The following IPCEF1 variants were observed in gnomAD, a reference collection of about 807,000 sequenced individuals.
IPCEF1 encodes the protein interaction protein for cytohesin exchange factors 1, also known as interactor protein for cytohesin exchange factors 1.
Under a neutral mutation model 50.9 loss-of-function variants are expected in IPCEF1, and 31 were observed. That is an observed-to-expected ratio of 0.61 (90% CI 0.46 to 0.82). IPCEF1 has a LOEUF of 0.82. Among genes scored for constraint, IPCEF1 ranks in the 40% least tolerant of loss-of-function variants. The pLI, the probability that IPCEF1 is intolerant of heterozygous loss-of-function variation, is 0.00. For missense variants in IPCEF1, 458 were observed against 514.0 expected (o/e 0.89, Z 1.05); for synonymous variants, 181 against 192.0 (o/e 0.94, Z 0.47).
intron 6 of IPCEF1, among the ~76,000 whole-genome samples, chr6:154,221,793 GA>G (rs1344594781): frequency 1.3e-5 from 2 of 152,250 alleles, no homozygotes; most frequent in Non-Finnish European, 1.5e-5. Context: ...AGAATGGCAT[GA>G]ACCTGGGAGG....
At chr6:154,324,649 A>C (rs1054044982) in intron 1 of IPCEF1, among the ~76,000 whole-genome samples, 1 of 152,050 alleles carries the variant, frequency 6.6e-6, no homozygotes, top group African/African-American at 2.4e-5. Context: ...CTTTACTAAA[A>C]ATACAAAAAT....
chr6:154,290,334 A>G (rs1267272696), intron 1 of IPCEF1, among the ~76,000 whole-genome samples: 1 of 152,190 alleles, frequency 6.6e-6, no homozygotes, highest in Non-Finnish European at 1.5e-5. Context: ...GCCCACCCCA[A>G]GGGAAGAATC....
intron 2 of IPCEF1, among the ~76,000 whole-genome samples, chr6:154,267,550 T>C (rs1406911954): frequency 2.0e-5 from 3 of 152,240 alleles, no homozygotes; most frequent in Non-Finnish European, 4.4e-5. Flanking sequence ...GCCCAAGTTC[T>C]TGTCCTGCAT....
intron 3 of IPCEF1, among the ~76,000 whole-genome samples, chr6:154,264,909 G>A (rs1781715310): frequency 6.6e-6 from 1 of 152,100 alleles, no homozygotes; most frequent in Non-Finnish European, 1.5e-5. Flanking sequence ...AAAGTCCCTT[G>A]ACATCCATTT....
intron 1 of IPCEF1, among the ~76,000 whole-genome samples, chr6:154,355,102 C>G (rs2128703415): frequency 6.6e-6 from 1 of 152,260 alleles, no homozygotes; most frequent in South Asian, 2.1e-4. Flanking sequence ...ATTATCAGCT[C>G]ACACTGCAGA....
chr6:154,172,254 A>G (rs1799934109), intron 10 of IPCEF1, among the ~76,000 whole-genome samples: 1 of 152,216 alleles, frequency 6.6e-6, no homozygotes, highest in African/African-American at 2.4e-5. Context: ...TGCATTCCCA[A>G]CTGAAGTACC....
In IPCEF1 at chr6:154,192,318, C is replaced by CTGTGTGTGTGTGTG. The variant is rs56231733; in HGVS notation, c.910+7336_910+7349dup. Among the ~76,000 whole-genome samples the CTGTGTGTGTGTGTG allele has an allele frequency of 5.7e-3, 839 of 148,088 alleles. 10 individuals are homozygous for CTGTGTGTGTGTGTG. Among genetic ancestry groups the CTGTGTGTGTGTGTG allele is most frequent in the African/African-American group, 0.017 (675 of 40,050 alleles). On this transcript the variant is annotated intron_variant, in intron 10 of 11. Coordinates refer to ENST00000367220, the MANE Select transcript of IPCEF1 (RefSeq NM_001130700.2). ...GACCCAAATGGTGGCCACGTGGTTA[C>CTGTGTGTGTGTGTG]TGTGTGTGTGTGTGTGTGTGTGTGT...
chr6:154,240,835 C>T (rs1290144203), intron 5 of IPCEF1, among the ~76,000 whole-genome samples: 1 of 152,214 alleles, frequency 6.6e-6, no homozygotes, highest in African/African-American at 2.4e-5. Flanking sequence ...AACACAATCA[C>T]AATTGTACAG....
Position 154,354,996 on chromosome 6 carries a change from TCACACACACACACACACACA to T in IPCEF1, c.-62+1656_-62+1675del, listed in dbSNP as rs56281024. 6.0e-3 allele frequency among the ~76,000 whole-genome samples: 884 copies of T among 147,396 alleles called. 5 individuals are homozygous for T. Among genetic ancestry groups the T allele is most frequent in the South Asian group, 8.6e-3 (39 of 4,530 alleles). ...AAAGCTTATTTTTTAGGATTTTTCT[TCACACACACACACACACACA>T]CACACACACACACACACACACACAC... is the stretch of plus-strand genomic sequence containing the variant. On this transcript the variant is annotated intron_variant, in intron 1 of 11. Transcript: ENST00000367220.
intron 1 of IPCEF1, among the ~76,000 whole-genome samples, chr6:154,317,239 C>G (rs1229356471): frequency 1.3e-5 from 2 of 151,430 alleles, no homozygotes; most frequent in African/African-American, 4.9e-5. Flanking sequence ...AATAAAATGA[C>G]AAGTAGACCA....
chr6:154,320,102 C>T (rs2128686749), intron 1 of IPCEF1, among the ~76,000 whole-genome samples: 1 of 152,230 alleles, frequency 6.6e-6, no homozygotes, highest in African/African-American at 2.4e-5. Flanking sequence ...ATCTGCAAAA[C>T]TGTTTCCTCA....
intron 11 of IPCEF1, among the ~76,000 whole-genome samples, chr6:154,162,774 A>T (rs1799128132): frequency 6.6e-6 from 1 of 152,048 alleles, no homozygotes; most frequent in African/African-American, 2.4e-5. Flanking sequence ...TCCCAAGTTT[A>T]TATCTCTCCT....
chr6:154,308,931 T>C (rs58960459), intron 1 of IPCEF1, among the ~76,000 whole-genome samples: 35 of 152,292 alleles, frequency 2.3e-4, no homozygotes, highest in Non-Finnish European at 4.4e-4. Context: ...ACAAGGACCG[T>C]CTGCTAAAAA....
chr6:154,180,592 C>T (rs569812253), intron 10 of IPCEF1, among the ~76,000 whole-genome samples: 1 of 152,034 alleles, frequency 6.6e-6, no homozygotes, highest in African/African-American at 2.4e-5. Flanking sequence ...AGGCATGCCC[C>T]AGTAGGCCCA....
intron 1 of IPCEF1, among the ~76,000 whole-genome samples, chr6:154,303,302 G>C (rs924709026): frequency 6.6e-6 from 1 of 151,948 alleles, no homozygotes; most frequent in African/African-American, 2.4e-5. Context: ...ATGTTGGCCA[G>C]GCTGTTCTCA....
chr6:154,191,399 C>T (rs1369574634), intron 10 of IPCEF1, among the ~76,000 whole-genome samples: 1 of 152,092 alleles, frequency 6.6e-6, no homozygotes, highest in African/African-American at 2.4e-5. Flanking sequence ...CCATGCCAGG[C>T]GCGGTGGCTC....
At chr6:154,279,047 C>G (rs2128662788) in intron 2 of IPCEF1, among the ~76,000 whole-genome samples, 1 of 149,710 alleles carries the variant, frequency 6.7e-6, no homozygotes, top group South Asian at 2.1e-4. Context: ...ATCCCTTGAA[C>G]CTGGGGGATA....
intron 10 of IPCEF1, among the ~76,000 whole-genome samples, chr6:154,190,050 C>A (rs1275932561): frequency 6.6e-6 from 1 of 152,018 alleles, no homozygotes; most frequent in Non-Finnish European, 1.5e-5. Flanking sequence ...ATCTTGTAGA[C>A]AATAATGTAT....
intron 2 of IPCEF1, among the ~76,000 whole-genome samples, chr6:154,288,760 T>C (rs193211965): frequency 6.9e-6 from 1 of 144,278 alleles, no homozygotes; most frequent in Non-Finnish European, 1.5e-5. Context: ...TTGTGTTTCA[T>C]CTTTGGAAAA....
Sources: allele counts gnomAD v4.1 joint callset (sites outside exome capture counted in the v4.1 genomes callset), GRCh38; gene constraint gnomAD v4.1.1; transcripts MANE v1.5; gene names NCBI Gene and HGNC (gene_info 2026-07-23, HGNC 2026-07-21).